SH3RF1: variants seen among roughly 807,000 people sequenced by gnomAD.
SH3RF1 encodes E3 ubiquitin-protein ligase SH3RF1.
In SH3RF1, 32 loss-of-function variants were observed where a neutral mutation model predicts 74.0. That is an observed-to-expected ratio of 0.43 (90% CI 0.33 to 0.58). The LOEUF is 0.58. Ranked by LOEUF, SH3RF1 falls within the 20% of genes least tolerant of loss-of-function variation. The pLI is 0.05. For synonymous variants in SH3RF1, 396 were observed against 439.6 expected, an observed-to-expected ratio of 0.90 and a Z score of 1.24; for missense variants, 954 against 1,130.9, an observed-to-expected ratio of 0.84 and a Z score of 2.24.
chr4:169,209,558 A>G (rs1266205524), intron 2 of SH3RF1, among the ~76,000 whole-genome samples: 1 of 152,204 alleles, frequency 6.6e-6, no homozygotes, highest in Non-Finnish European at 1.5e-5. Flanking sequence ...TTGTAATTGC[A>G]GTATTTTCAG....
chr4:169,122,991 T>C (rs1392833799), intron 6 of SH3RF1, among the ~76,000 whole-genome samples: 2 of 152,164 alleles, frequency 1.3e-5, no homozygotes, highest in South Asian at 2.1e-4. Context: ...TTCTGATCTA[T>C]AAACCCAGAT....
At chr4:169,165,652 G>A (rs1451925182) in intron 2 of SH3RF1, among the ~76,000 whole-genome samples, 1 of 151,706 alleles carries the variant, frequency 6.6e-6, no homozygotes, top group Non-Finnish European at 1.5e-5. Context: ...GGGGGAGTCA[G>A]GTAAGGCCTC....
At chr4:169,184,764 C>G (rs1017104178) in intron 2 of SH3RF1, among the ~76,000 whole-genome samples, 1 of 151,954 alleles carries the variant, frequency 6.6e-6, no homozygotes, top group African/African-American at 2.4e-5. Context: ...TAGAATATGC[C>G]AAAACAAAGT....
intron 2 of SH3RF1, among the ~76,000 whole-genome samples, chr4:169,186,015 A>G (rs61438349): frequency 0.11 from 17,230 of 152,238 alleles, 1,005 homozygotes; most frequent in Middle Eastern, 0.16. Flanking sequence ...CACTTAGGAC[A>G]GTAGACCTCC....
intron 4 of SH3RF1, among the ~76,000 whole-genome samples, chr4:169,141,246 A>G (rs1386597840): frequency 6.6e-6 from 1 of 151,958 alleles, no homozygotes; most frequent in Non-Finnish European, 1.5e-5. Context: ...TTATACATGT[A>G]TCTACTTTAT....
chr4:169,124,629 A>G (rs995901287), intron 6 of SH3RF1, among the ~76,000 whole-genome samples: 1 of 152,220 alleles, frequency 6.6e-6, no homozygotes, highest in Non-Finnish European at 1.5e-5. Flanking sequence ...ATTTGTGTGT[A>G]TGTGAGCAAA....
chr4:169,156,383 A>G, intron 3 of SH3RF1, 21 bp downstream of exon 3: 1 of 1,536,488 alleles, frequency 6.5e-7, no homozygotes, highest in Non-Finnish European at 8.8e-7. Flanking sequence ...CAAACAGAAA[A>G]CAAGCACATT....
rs546437520 is a variant in SH3RF1 at position 169,116,631 on chromosome 4, C to G, written c.1778-1G>C. On this transcript the variant is annotated splice_acceptor_variant, in intron 9 of 11. Coordinates refer to ENST00000284637, the MANE Select transcript of SH3RF1 (RefSeq NM_020870.4). LOFTEE classifies it high-confidence loss of function. ...GGGCGTTCCTGGTTGTGCGCTGCAA[C>G]TAGTAGATGGGAAGAGGGAACACAG... 2.0e-6 allele frequency: 3 copies of G among 1,528,210 alleles called. No individual in the cohort carries two copies. 94.7% of individuals were successfully genotyped at this position (1,528,210 alleles called of 1,614,324 possible).
At chr4:169,102,325 A>AAT (rs1733051869) in intron 11 of SH3RF1, among the ~76,000 whole-genome samples, 1 of 152,140 alleles carries the variant, frequency 6.6e-6, no homozygotes, top group Non-Finnish European at 1.5e-5. Flanking sequence ...CCTTTCTGTA[A>AAT]ATCTATCTCT....
intron 4 of SH3RF1, among the ~76,000 whole-genome samples, chr4:169,155,025 A>T (rs1298436163): frequency 6.6e-6 from 1 of 152,188 alleles, no homozygotes; most frequent in Non-Finnish European, 1.5e-5. Flanking sequence ...AGATTCATTG[A>T]CTTATTTAAC....
intron 2 of SH3RF1, among the ~76,000 whole-genome samples, chr4:169,161,208 C>A (rs1221628823): frequency 2.0e-5 from 3 of 152,148 alleles, no homozygotes; most frequent in Non-Finnish European, 2.9e-5. Context: ...ATTCACACTG[C>A]CAGCTTTATC....
At chr4:169,237,474 C>T (rs1298700312) in intron 2 of SH3RF1, among the ~76,000 whole-genome samples, 1 of 152,156 alleles carries the variant, frequency 6.6e-6, no homozygotes, top group East Asian at 1.9e-4. Context: ...AACCCCATCT[C>T]TATTTTTAAT....
intron 2 of SH3RF1, among the ~76,000 whole-genome samples, chr4:169,222,808 G>A (rs146370452): frequency 7.2e-4 from 110 of 152,246 alleles, no homozygotes; most frequent in African/African-American, 2.5e-3. Context: ...AATGGAACAT[G>A]TTTATTCCTT....
chr4:169,207,287 C>T (rs960112736), intron 2 of SH3RF1, among the ~76,000 whole-genome samples: 3 of 152,082 alleles, frequency 2.0e-5, no homozygotes, highest in African/African-American at 7.2e-5. Flanking sequence ...ATTAGTCAGG[C>T]ATGGTGGCAT....
intron 2 of SH3RF1, among the ~76,000 whole-genome samples, chr4:169,224,324 T>A (rs1730620360): frequency 6.6e-6 from 1 of 151,560 alleles, no homozygotes; most frequent in African/African-American, 2.4e-5. Context: ...ATTTCCTATT[T>A]TTTTTTTTTT....
At chr4:169,257,961 T>C (rs867883044) in intron 2 of SH3RF1, among the ~76,000 whole-genome samples, 3 of 152,200 alleles carry the variant, frequency 2.0e-5, no homozygotes, top group East Asian at 3.9e-4. Flanking sequence ...CTGGTGTCAA[T>C]GGGCAAATGT....
At chr4:169,112,489 A>G (rs1733258977) in intron 10 of SH3RF1, among the ~76,000 whole-genome samples, 2 of 152,238 alleles carry the variant, frequency 1.3e-5, no homozygotes, top group Admixed American at 1.3e-4. Context: ...AAATATATGC[A>G]TGACCTGAAA....
intron 2 of SH3RF1, among the ~76,000 whole-genome samples, chr4:169,221,448 C>G (rs1425352895): frequency 6.6e-6 from 1 of 152,144 alleles, no homozygotes; most frequent in Non-Finnish European, 1.5e-5. Flanking sequence ...ACTCAACTTG[C>G]TGGGTCTGAT....
At chr4:169,206,785 T>G (rs1275013113) in intron 2 of SH3RF1, among the ~76,000 whole-genome samples, 1 of 151,874 alleles carries the variant, frequency 6.6e-6, no homozygotes, top group East Asian at 1.9e-4. Context: ...ATTTTACCAG[T>G]GGGAAATAAA....
Sources: gnomAD v4.1 joint callset for allele counts (sites outside exome capture counted in the v4.1 genomes callset) on GRCh38, gnomAD v4.1.1 for gene constraint, MANE v1.5 for transcripts, NCBI Gene and HGNC (gene_info 2026-07-23, HGNC 2026-07-21) for gene names.